Variants in C3 observed in about 807,000 individuals in gnomAD.
C3 encodes C3 and PZP-like alpha-2-macroglobulin domain-containing protein 1.
C3 carries 97 observed loss-of-function variants against 207.9 expected under a neutral mutation model. The ratio of observed to expected loss-of-function variants is 0.47; its 90% confidence interval spans 0.40 to 0.55. The LOEUF (loss-of-function observed/expected upper bound fraction) is 0.55, where lower values mean the gene tolerates loss of function less well. Among genes scored for constraint, C3 ranks in the 20% least tolerant of loss-of-function variants. The pLI, the probability that C3 is intolerant of heterozygous loss-of-function variation, is 0.00. For missense variants in C3, 1,684 were observed against 2,171.7 expected (o/e 0.78, Z 4.46); for synonymous variants, 848 against 857.6 (o/e 0.99, Z 0.20).
intron 33 of C3, among the ~76,000 whole-genome samples, chr19:6,683,551 C>T (rs544875931): frequency 1.6e-4 from 23 of 141,928 alleles, no homozygotes; most frequent in African/African-American, 5.8e-4. Context: ...CCTGGGTTCA[C>T]GCCATTCTTC....
intron 12 of C3, 41 bp downstream of exon 12, chr19:6,710,946 A>C (rs1967910166): frequency 1.2e-6 from 2 of 1,606,986 alleles, no homozygotes; most frequent in Non-Finnish European, 1.7e-6. Flanking sequence ...CGGAAGAAAC[A>C]AGGAGGAGGC....
Position 6,678,143 on chromosome 19 carries a change from A to G in C3, c.4850+9T>C. ...GGCGGTCGCGCGCACGCGCAGGGAA[A>G]GCACTCACTTGGGCTTCTCTCCCCA... On this transcript the variant is annotated intron_variant, in intron 40 of 40. Transcript: ENST00000245907. 3.7e-6 allele frequency: 6 copies of G among 1,614,168 alleles called. No homozygotes were observed. In the South Asian group the frequency reaches 6.6e-5, roughly 18 times the overall value.
chr19:6,686,839 T>A lies in C3; in HGVS notation c.3553A>T (p.Arg1185Ter), dbSNP rs1918021236. The A allele has an allele frequency of 2.5e-6, 4 of 1,613,746 alleles. No individual in the cohort carries two copies. Among genetic ancestry groups the A allele is most frequent in the Non-Finnish European group, 2.5e-6 (3 of 1,179,636 alleles). ...CCAGCAATGGCCACAGTGTAGGATC[T>A]CTGTAGGTTCATGTAGTTGGCTTCA... ...FLEANYMNLQ[R>*]SYTVAIAGYA... Residue 1185 changes from arginine to a stop codon, truncating the protein, a stop_gained, in exon 28 of 41, where the codon AGA becomes TGA. Transcript: ENST00000245907. LOFTEE classifies it high-confidence loss of function.
intron 17 of C3, 25 bp downstream of exon 17, chr19:6,707,051 C>CCTGT: frequency 2.5e-6 from 4 of 1,596,354 alleles, no homozygotes; most frequent in Non-Finnish European, 3.4e-6. Context: ...GCCCCCTCCC[C>CCTGT]CTGTCCCCAC....
At chr19:6,699,647 CA>C (rs10596077) in intron 19 of C3, among the ~76,000 whole-genome samples, 50 of 147,440 alleles carry the variant, frequency 3.4e-4, no homozygotes, top group African/African-American at 2.5e-4. Flanking sequence ...GCTCCTGTAT[CA>C]AAAAAAAAAA....
At position 6,709,807 on chromosome 19, in the gene C3, C is replaced by T. The variant is rs140143815; in HGVS notation, c.1722G>A (p.Gln574=). Residue 574 remains glutamine, a synonymous_variant, in exon 14 of 41, where the codon CAG becomes CAA. Coordinates refer to ENST00000245907, the MANE Select transcript of C3 (RefSeq NM_000064.4). ...VVKSGQSEDR[Q]PVPGQQMTLK... The stretch of plus-strand genomic sequence containing the variant: ...GGGTCATCTGCTGCCCAGGTACAGG[C>T]TGCCGGTCTTCTGACTGGCCGCTTT... The T allele has an allele frequency of 4.2e-5, 67 of 1,614,010 alleles. No homozygotes were observed. The highest frequency in any genetic ancestry group is 3.5e-4 in the African/African-American group (26 of 75,022).
rs374704078 is a variant in C3 at position 6,682,102 on chromosome 19, G to T, written c.4260+40C>A. 14 of 1,605,434 alleles carry T rather than the reference G, an allele frequency of 8.7e-6. No individual in the cohort carries two copies. The African/African-American group carries it at 1.9e-4, about 21-fold the overall frequency. On this transcript the variant is annotated intron_variant, in intron 34 of 40. Transcript: ENST00000245907. ...TCCCTGCAGCCTCTTCCAGAACCCAGGCTCCTTTCCACTTATCCCAGCTCC... is the reference window on the plus strand; with the variant it reads ...TCCCTGCAGCCTCTTCCAGAACCCATGCTCCTTTCCACTTATCCCAGCTCC...
intron 27 of C3, among the ~76,000 whole-genome samples, chr19:6,689,360 C>CCTCTCTCTCT (rs1218148901): frequency 0.01 from 169 of 16,518 alleles, 7 homozygotes; most frequent in African/African-American, 0.029. Flanking sequence ...TCCCTCCCTC[C>CCTCTCTCTCT]CTCTCTCTCT....
At chr19:6,704,030 C>A (rs989176905) in intron 17 of C3, among the ~76,000 whole-genome samples, 3 of 152,150 alleles carry the variant, frequency 2.0e-5, no homozygotes, top group African/African-American at 7.2e-5. Context: ...ATCATCCCAG[C>A]GCTCTGAGAG....
At chr19:6,686,415 C>T in intron 28 of C3, 128 bp from the exon 29 acceptor site, 1 of 985,618 alleles carries the variant, frequency 1.0e-6, no homozygotes, top group Admixed American at 1.7e-5. Flanking sequence ...ACATTCGAGG[C>T]TCTCAATTAC....
At chr19:6,687,984 G>C (rs1918053128) in intron 27 of C3, among the ~76,000 whole-genome samples, 1 of 151,680 alleles carries the variant, frequency 6.6e-6, no homozygotes, top group Non-Finnish European at 1.5e-5. Flanking sequence ...AGCCTTCCCA[G>C]TAGCTGGGAC....
intron 28 of C3, 104 bp from the exon 29 acceptor site, chr19:6,686,391 G>A: frequency 7.8e-7 from 1 of 1,275,570 alleles, no homozygotes; most frequent in Non-Finnish European, 1.1e-6. Context: ...CCTGGTGTTT[G>A]GGTGTCCTGG....
Position 6,707,936 on chromosome 19 carries a change from G to A in C3, c.1846-7C>T, listed in dbSNP as rs760292304. The stretch of plus-strand genomic sequence containing the variant: ...TCTCCACCACGTCCCAGATCTGCGG[G>A]GGGCATAGGGGTGGCGGGACGCAGG... On this transcript the variant is annotated splice_region_variant and splice_polypyrimidine_tract_variant and intron_variant, in intron 14 of 40. Transcript: ENST00000245907. 9.9e-6 allele frequency: 16 copies of A among 1,613,596 alleles called. No individual in the cohort carries two copies. Among genetic ancestry groups the A allele is most frequent in the African/African-American group, 1.3e-5 (1 of 75,018 alleles).
intron 26 of C3, among the ~76,000 whole-genome samples, chr19:6,692,110 T>G (rs947344654): frequency 2.0e-5 from 3 of 152,046 alleles, no homozygotes; most frequent in African/African-American, 7.2e-5. Context: ...TCTCAGAATA[T>G]GTTTTGTTTT....
At chr19:6,706,276 A>G (rs1332319515) in intron 17 of C3, among the ~76,000 whole-genome samples, 1 of 152,184 alleles carries the variant, frequency 6.6e-6, no homozygotes, top group Non-Finnish European at 1.5e-5. Flanking sequence ...TGTCCAATTC[A>G]GACTGATGGG....
Position 6,694,559 on chromosome 19 carries a change from C to T in C3, c.3026G>A (p.Gly1009Asp). 1 of 1,614,086 alleles carries T rather than the reference C, an allele frequency of 6.2e-7. No homozygotes were observed. The stretch of plus-strand genomic sequence containing the variant: ...GCCGATCATGTTCTGTTCCCCGCAG[C>T]CCGAGGGGGTCACAATGAGGTGCTT... ...RLKHLIVTPSGCGEQNMIGMT... is the reference protein window; with the variant it reads ...RLKHLIVTPSDCGEQNMIGMT... Residue 1009 changes from glycine to aspartate, a missense_variant, in exon 24 of 41, where the codon GGC (glycine) becomes GAC (aspartate). Gly to Asp is a moderately conservative substitution (Grantham distance 94, BLOSUM62 -1). Transcript: ENST00000245907.
Position 6,693,422 on chromosome 19 carries a change from G to A in C3, c.3220C>T (p.Pro1074Ser). The A allele has an allele frequency of 1.9e-6, 3 of 1,610,822 alleles. No homozygotes were observed. Among genetic ancestry groups the A allele is most frequent in the Non-Finnish European group, 2.5e-6 (3 of 1,178,966 alleles). The change falls in exon 25 of 41, where the codon CCC becomes TCC. Residue 1074 changes from proline (P) to serine (S), a missense_variant. By Grantham distance (74) the Pro-to-Ser change is moderately conservative. Around this residue, in one of 3 missense-constraint regions of C3, gnomAD observed 1,280 missense variants for 1,739.1 expected, o/e 0.74. Coordinates refer to ENST00000245907, the MANE Select transcript of C3 (RefSeq NM_000064.4). ...SAFAAFVKRA[P>S]STWLTAYVVK... ...GCTGTTGGGACTCACCAGGTGCTGG[G>A]TGCCCGTTTCACGAAGGCCGCAAAG...
At position 6,719,764 on chromosome 19, in the gene C3, C is replaced by T; in HGVS notation, c.75-361G>A. ...CAATCGCCTAAACCCACACATGCCC[C>T]AAACCCTAAACCTCTACCTCTCTAA... On this transcript the variant is annotated intron_variant, in intron 1 of 40. Coordinates refer to ENST00000245907, the MANE Select transcript of C3 (RefSeq NM_000064.4). This position sits in a 1 kb window ranked among gnomAD's most constrained non-coding sequence, Gnocchi z 5.4. 6.6e-6 allele frequency among the ~76,000 whole-genome samples: 1 copy of T among 152,070 alleles called. No individual in the cohort carries two copies. The highest frequency in any genetic ancestry group is 1.5e-5 in the Non-Finnish European group (1 of 68,000).
chr19:6,702,110 C>A lies in C3; in HGVS notation c.2440+17G>T. 6.8e-7 allele frequency: 1 copy of A among 1,468,286 alleles called. No homozygotes were observed. Among genetic ancestry groups the A allele is most frequent in the African/African-American group, 1.4e-5 (1 of 71,468 alleles). 91.0% of individuals were successfully genotyped at this position (1,468,286 alleles called of 1,614,324 possible). ...GGGGTCCCTGCCTCCCGGGGACCAG[C>A]CAGCATCCTCTCTCACCTTTCTTGT... is the stretch of plus-strand genomic sequence containing the variant. On this transcript the variant is annotated intron_variant, in intron 19 of 40. Transcript: ENST00000245907.
Sources: allele counts gnomAD v4.1 joint callset (sites outside exome capture counted in the v4.1 genomes callset), GRCh38; gene constraint gnomAD v4.1.1; regional missense constraint gnomAD v4.1.1; non-coding constraint Gnocchi (gnomAD v3.1); transcripts MANE v1.5; gene names NCBI Gene and HGNC (gene_info 2026-07-23, HGNC 2026-07-21).